Variants in HIVEP3 observed in about 807,000 individuals in gnomAD.
The protein encoded by HIVEP3 is transcription factor HIVEP3.
Under a neutral mutation model 152.8 loss-of-function variants are expected in HIVEP3, and 49 were observed. The ratio of observed to expected loss-of-function variants is 0.32; its 90% confidence interval spans 0.26 to 0.41. The LOEUF is 0.41. Ranked by LOEUF, HIVEP3 falls within the 10% of genes least tolerant of loss-of-function variation. The pLI is 1.00. For missense variants in HIVEP3, 2,790 were observed against 3,103.3 expected, an observed-to-expected ratio of 0.90 and a Z score of 2.40; for synonymous variants, 1,269 against 1,289.0, an observed-to-expected ratio of 0.98 and a Z score of 0.33.
chr1:41,522,360 TCAAA>T (rs1254628475), intron 6 of HIVEP3, among the ~76,000 whole-genome samples: 1 of 152,200 alleles, frequency 6.6e-6, no homozygotes, highest in Non-Finnish European at 1.5e-5. Context: ...CCTCTATTAG[TCAAA>T]CAGTTTCAGA....
chr1:41,860,440 T>C (rs932363948), intron 1 of HIVEP3, among the ~76,000 whole-genome samples: 10 of 152,292 alleles, frequency 6.6e-5, no homozygotes, highest in Non-Finnish European at 8.8e-5. Flanking sequence ...TACAAGAATT[T>C]GACATAAACA....
At chr1:41,867,812 G>A (rs1023373097) in intron 1 of HIVEP3, among the ~76,000 whole-genome samples, 1 of 152,138 alleles carries the variant, frequency 6.6e-6, no homozygotes, top group African/African-American at 2.4e-5. Flanking sequence ...GGTAAATCCT[G>A]TCAGTTCTAT....
At chr1:41,721,496 A>G (rs1057294364) in intron 1 of HIVEP3, among the ~76,000 whole-genome samples, 1 of 152,176 alleles carries the variant, frequency 6.6e-6, no homozygotes, top group African/African-American at 2.4e-5. Flanking sequence ...GTGAGCCACC[A>G]TGCCTGACCC....
chr1:42,001,086 G>A (rs572618817), intron 1 of HIVEP3, among the ~76,000 whole-genome samples: 87 of 152,292 alleles, frequency 5.7e-4, no homozygotes, highest in African/African-American at 1.9e-3. Flanking sequence ...AATCCAGGTG[G>A]TCTGATCCAG....
chr1:41,905,826 A>G (rs888541689), intron 1 of HIVEP3, among the ~76,000 whole-genome samples: 1 of 152,194 alleles, frequency 6.6e-6, no homozygotes, highest in African/African-American at 2.4e-5. Context: ...ACTCATAGGA[A>G]GAAAAACAGA....
At chr1:41,612,121 C>A (rs1302844446) in intron 3 of HIVEP3, among the ~76,000 whole-genome samples, 1 of 152,050 alleles carries the variant, frequency 6.6e-6, no homozygotes, top group African/African-American at 2.4e-5. Flanking sequence ...GCTCCTCTCA[C>A]CCTTTCTGCC....
intron 1 of HIVEP3, among the ~76,000 whole-genome samples, chr1:41,869,380 G>A (rs745404721): frequency 2.0e-5 from 3 of 152,100 alleles, no homozygotes; most frequent in Admixed American, 6.5e-5. Flanking sequence ...AGAGACAAAC[G>A]GAAACCCCAC....
intron 1 of HIVEP3, among the ~76,000 whole-genome samples, chr1:41,936,720 C>G (rs1293742649): frequency 6.6e-6 from 1 of 152,172 alleles, no homozygotes; most frequent in Non-Finnish European, 1.5e-5. Flanking sequence ...TCTATCAAAT[C>G]ATTCTGTTAT....
chr1:41,573,348 C>T (rs1335108001), intron 5 of HIVEP3, among the ~76,000 whole-genome samples: 1 of 152,166 alleles, frequency 6.6e-6, no homozygotes, highest in Admixed American at 6.5e-5. Context: ...CCCTCCCCCT[C>T]CTTCACCATT....
chr1:41,984,281 T>C (rs1645309915), intron 1 of HIVEP3, among the ~76,000 whole-genome samples: 6 of 152,172 alleles, frequency 3.9e-5, no homozygotes. Flanking sequence ...CCATACTATG[T>C]ATTTTTTGGC....
intron 1 of HIVEP3, among the ~76,000 whole-genome samples, chr1:41,842,036 T>C (rs1235178600): frequency 6.6e-6 from 1 of 151,824 alleles, no homozygotes; most frequent in East Asian, 1.9e-4. Context: ...GAGGTTGCAG[T>C]GAGTCGAGAT....
chr1:41,845,201 T>TCCATA (rs1643402275), intron 1 of HIVEP3, among the ~76,000 whole-genome samples: 1 of 131,460 alleles, frequency 7.6e-6, no homozygotes. Flanking sequence ...TCTAAGAGAC[T>TCCATA]ACAATATGTT....
chr1:41,582,626 C>T lies in HIVEP3; in HGVS notation c.2172G>A (p.Glu724=), dbSNP rs2149107352. The part of the protein sequence containing the change: ...KRRKEKSLGD[E]EEPPAFESTK... ...TGGACTCAAAGGCAGGTGGCTCTTC[C>T]TCGTCCCCAAGGCTCTTCTCTTTCC... Residue 724 remains glutamate, a synonymous_variant, in exon 4 of 9, where the codon GAG becomes GAA. Coordinates refer to ENST00000372583, the MANE Select transcript of HIVEP3 (RefSeq NM_024503.5). This position sits in a 1 kb window ranked among gnomAD's most constrained non-coding sequence, Gnocchi z 4.7. The T allele has an allele frequency of 1.2e-6, 2 of 1,613,650 alleles. No homozygotes were observed. Among genetic ancestry groups the T allele is most frequent in the Non-Finnish European group, 1.7e-6 (2 of 1,179,826 alleles).
intron 1 of HIVEP3, among the ~76,000 whole-genome samples, chr1:41,942,190 G>A (rs1307004021): frequency 6.6e-6 from 1 of 152,192 alleles, no homozygotes; most frequent in Non-Finnish European, 1.5e-5. Context: ...TTATGTGGAT[G>A]TACGATGTCT....
At position 41,879,304 on chromosome 1, in the gene HIVEP3, C is replaced by T. The variant is rs545363659; in HGVS notation, c.-801+39109G>A. Among the ~76,000 whole-genome samples the T allele has an allele frequency of 2.6e-5, 4 of 152,286 alleles. No homozygotes were observed. The South Asian group carries it at 8.3e-4, about 32-fold the overall frequency. ...TCTCAACTGCACAGGATGTGCCATT[C>T]GCCAAGGAATACTAGGCATCCCTCC... On this transcript the variant is annotated intron_variant, in intron 1 of 8. Transcript: ENST00000372583.
In HIVEP3 at chr1:41,575,616, C is replaced by G; in HGVS notation, c.5135G>C (p.Arg1712Thr). 1 of 1,614,160 alleles carries G rather than the reference C, an allele frequency of 6.2e-7. No individual in the cohort carries two copies. Among genetic ancestry groups the G allele is most frequent in the Non-Finnish European group, 8.5e-7 (1 of 1,179,984 alleles). ...LARVEKEEER[R>T]GEPEEDAPAS... ...AGGAGCATCCTCCTCCGGCTCCCCTCTCCTCTCTTCTTCCTTCTCCACTCT... is the reference window on the plus strand; with the variant it reads ...AGGAGCATCCTCCTCCGGCTCCCCTGTCCTCTCTTCTTCCTTCTCCACTCT... The change falls in exon 5 of 9, where the codon AGA (arginine) becomes ACA (threonine). Residue 1712 changes from arginine (R) to threonine (T), a missense_variant. Physicochemically the swap from Arg to Thr is moderately conservative, Grantham distance 71. Coordinates refer to ENST00000372583, the MANE Select transcript of HIVEP3 (RefSeq NM_024503.5).
At chr1:41,548,529 C>T (rs183267488) in intron 5 of HIVEP3, among the ~76,000 whole-genome samples, 1 of 134,614 alleles carries the variant, frequency 7.4e-6, no homozygotes, top group Admixed American at 7.4e-5. Flanking sequence ...CCACTTGAAC[C>T]ATTTTGGGTT....
intron 1 of HIVEP3, among the ~76,000 whole-genome samples, chr1:41,838,874 C>A (rs1449221338): frequency 1.3e-5 from 2 of 152,112 alleles, no homozygotes; most frequent in Admixed American, 1.3e-4. Flanking sequence ...ACAACAATAG[C>A]AACTAATCAA....
At chr1:42,017,234 T>TA (rs1645528517) in intron 1 of HIVEP3, among the ~76,000 whole-genome samples, 1 of 152,208 alleles carries the variant, frequency 6.6e-6, no homozygotes, top group South Asian at 2.1e-4. Flanking sequence ...CCTTTCATTT[T>TA]ATATTTAAAT....
Sources: allele counts gnomAD v4.1 joint callset (sites outside exome capture counted in the v4.1 genomes callset), GRCh38; gene constraint gnomAD v4.1.1; non-coding constraint Gnocchi (gnomAD v3.1); transcripts MANE v1.5; gene names NCBI Gene and HGNC (gene_info 2026-07-23, HGNC 2026-07-21).